Variants in EIF3F observed in about 807,000 individuals in gnomAD.
EIF3F encodes eukaryotic translation initiation factor 3 subunit F, also known as deubiquitinating enzyme eIF3f.
In EIF3F, 8 loss-of-function variants were observed where a neutral mutation model predicts 36.0. The observed-to-expected ratio is 0.22, with a 90% CI of 0.13 to 0.40. The LOEUF is 0.40. Ranked by LOEUF, EIF3F falls within the 10% of genes least tolerant of loss-of-function variation. EIF3F has a pLI of 1.00. For missense variants in EIF3F, 430 were observed against 467.6 expected (o/e 0.92, Z 0.74); for synonymous variants, 184 against 188.5 (o/e 0.98, Z 0.19).
At chr11:7,987,946 A>T in intron 1 of EIF3F, 1 of 511,680 alleles carries the variant, frequency 2.0e-6, no homozygotes. Flanking sequence ...AGCGACATAA[A>T]ATACACAAGG....
chr11:8,001,686 A>G lies in EIF3F; in HGVS notation c.*5664A>G, dbSNP rs1942224131. The G allele has an allele frequency of 6.6e-6, 1 of 152,180 alleles. No individual in the cohort carries two copies. Among genetic ancestry groups the G allele is most frequent in the South Asian group, 2.1e-4 (1 of 4,834 alleles). The allele number at this position is 152,180 out of a possible 1,614,324, so 9.4% of individuals were successfully genotyped here. On this transcript the variant is annotated 3_prime_UTR_variant, in exon 8 of 8. Transcript: ENST00000651655. The stretch of plus-strand genomic sequence containing the variant: ...AATATAAATACCTAGAATATTTGTG[A>G]AGGTACAGCCAAGAAACTACTATCA...
intron 5 of EIF3F, 57 bp downstream of exon 5, chr11:7,994,574 C>A: frequency 6.6e-7 from 1 of 1,513,224 alleles, no homozygotes; most frequent in South Asian, 1.2e-5. Flanking sequence ...GGGAAGGGGG[C>A]TGCTAGTCTG....
Position 8,001,207 on chromosome 11 carries a change from G to T in EIF3F, c.*5185G>T, listed in dbSNP as rs1391826308. On this transcript the variant is annotated 3_prime_UTR_variant, in exon 8 of 8. Transcript: ENST00000651655. ...GATGTCATTTTTAAAAATCAGATTCGCAAATTTTAAAAGTTGCTAACACTG... is the reference window on the plus strand; with the variant it reads ...GATGTCATTTTTAAAAATCAGATTCTCAAATTTTAAAAGTTGCTAACACTG... The T allele has an allele frequency of 6.6e-6, 1 of 152,080 alleles. No homozygotes were observed. Among genetic ancestry groups the T allele is most frequent in the African/African-American group, 2.4e-5 (1 of 41,396 alleles). 9.4% of individuals were successfully genotyped at this position (152,080 alleles called of 1,614,324 possible).
chr11:7,987,809 C>G, intron 1 of EIF3F, 93 bp downstream of exon 1: 1 of 1,374,262 alleles, frequency 7.3e-7, no homozygotes, highest in Admixed American at 3.6e-5. Flanking sequence ...TTCCTGGTGT[C>G]CTACCGTCCT....
At chr11:7,993,983 T>G (rs1364601331) in intron 4 of EIF3F, among the ~76,000 whole-genome samples, 1 of 152,086 alleles carries the variant, frequency 6.6e-6, no homozygotes, top group African/African-American at 2.4e-5. Flanking sequence ...AAGAATACCT[T>G]TAGTGAGATG....
chr11:7,992,844 G>A (rs750015811), intron 3 of EIF3F, 43 bp from the exon 4 acceptor site: 30 of 1,612,224 alleles, frequency 1.9e-5, no homozygotes, highest in Middle Eastern at 3.9e-4. Flanking sequence ...TGATATTGAC[G>A]CCACATATAG....
Position 7,996,695 on chromosome 11 carries a change from C to G in EIF3F, c.*673C>G, listed in dbSNP as rs1024506164. The G allele has an allele frequency of 6.6e-6, 1 of 152,198 alleles. No homozygotes were observed. Among genetic ancestry groups the G allele is most frequent in the Non-Finnish European group, 1.5e-5 (1 of 68,046 alleles). 9.4% of individuals were successfully genotyped at this position (152,198 alleles called of 1,614,324 possible). A position where few individuals can be genotyped will look rare whatever the true frequency, so the allele number is the denominator to read the frequency against. ...CCCAGAGGCCTTGTAGGCTAGAGTA[C>G]TTGCCTGTGTAACTTCAGACATCCA... On this transcript the variant is annotated 3_prime_UTR_variant, in exon 8 of 8. Transcript: ENST00000651655.
intron 1 of EIF3F, among the ~76,000 whole-genome samples, chr11:7,990,175 G>C (rs572560668): frequency 6.6e-6 from 1 of 152,216 alleles, no homozygotes; most frequent in Non-Finnish European, 1.5e-5. Flanking sequence ...AAGAAGAAAG[G>C]GAAGGTAGGG....
At chr11:7,987,958 G>C in intron 1 of EIF3F, 2 of 457,912 alleles carry the variant, frequency 4.4e-6, no homozygotes, top group Non-Finnish European at 7.0e-6. Context: ...TACACAAGGA[G>C]TAGTTGTGTC....
chr11:7,991,537 A>ACCTTG, intron 1 of EIF3F, among the ~76,000 whole-genome samples: 1 of 152,256 alleles, frequency 6.6e-6, no homozygotes, highest in South Asian at 2.1e-4. Context: ...GCAAAAGGAG[A>ACCTTG]CCTTGTAAAG....
Position 7,998,758 on chromosome 11 carries a change from C to T in EIF3F, c.*2736C>T, listed in dbSNP as rs1333754801. ...TGATAAAAATTCCCAATAATGTTTACTTTGGTGGTGAGAAGAGGATGGCAA... is the reference window on the plus strand; with the variant it reads ...TGATAAAAATTCCCAATAATGTTTATTTTGGTGGTGAGAAGAGGATGGCAA... On this transcript the variant is annotated 3_prime_UTR_variant, in exon 8 of 8. Transcript: ENST00000651655. 6.6e-6 allele frequency: 1 copy of T among 151,950 alleles called. No individual in the cohort carries two copies. The highest frequency in any genetic ancestry group is 1.5e-5 in the Non-Finnish European group (1 of 68,006). The allele number at this position is 151,950 out of a possible 1,614,324, so 9.4% of individuals were successfully genotyped here.
At chr11:7,995,731 C>G (rs1942153185) in intron 7 of EIF3F, 1 of 621,830 alleles carries the variant, frequency 1.6e-6, no homozygotes, top group African/African-American at 1.8e-5. Context: ...GCTAAGGCAC[C>G]CCTAGTCTAT....
intron 4 of EIF3F, among the ~76,000 whole-genome samples, chr11:7,993,277 T>G (rs1163822029): frequency 1.3e-5 from 2 of 152,256 alleles, no homozygotes; most frequent in African/African-American, 4.8e-5. Flanking sequence ...TGTCAAGTCA[T>G]CTTTTGTAGG....
chr11:7,999,792 A>G lies in EIF3F; in HGVS notation c.*3770A>G, dbSNP rs981333072. 1.3e-5 allele frequency: 2 copies of G among 152,234 alleles called. No homozygotes were observed. Among genetic ancestry groups the G allele is most frequent in the African/African-American group, 2.4e-5 (1 of 41,464 alleles). 9.4% of individuals were successfully genotyped at this position (152,234 alleles called of 1,614,324 possible). A position where few individuals can be genotyped will look rare whatever the true frequency, so the allele number is the denominator to read the frequency against. On this transcript the variant is annotated 3_prime_UTR_variant, in exon 8 of 8. Coordinates refer to ENST00000651655, the MANE Select transcript of EIF3F (RefSeq NM_003754.3). ...CAATAAAAACACATATGATCCAGCA[A>G]TCCCACTACTGGGTATATATCCAAA...
In EIF3F at chr11:7,995,612, T is replaced by G; in HGVS notation, c.996+245T>G. 5.1e-6 allele frequency: 3 copies of G among 586,906 alleles called. No homozygotes were observed. The East Asian group carries it at 8.5e-5, about 17-fold the overall frequency. 36.4% of individuals were successfully genotyped at this position (586,906 alleles called of 1,614,324 possible). A position where few individuals can be genotyped will look rare whatever the true frequency, so the allele number is the denominator to read the frequency against. ...GCTGATACTACTGTGACTTACTGTC[T>G]AAATTCGTGATGGAAAGAAACACTA... is the stretch of plus-strand genomic sequence containing the variant. On this transcript the variant is annotated intron_variant, in intron 7 of 7. Transcript: ENST00000651655.
intron 4 of EIF3F, among the ~76,000 whole-genome samples, chr11:7,993,646 G>C (rs960620354): frequency 6.6e-6 from 1 of 152,172 alleles, no homozygotes; most frequent in Non-Finnish European, 1.5e-5. Context: ...TAGTGCATCT[G>C]TCAGGCTGTT....
chr11:7,993,246 C>T (rs1057294880), intron 4 of EIF3F, among the ~76,000 whole-genome samples: 18 of 152,184 alleles, frequency 1.2e-4, no homozygotes, highest in African/African-American at 3.9e-4. Flanking sequence ...ACTCATTGCC[C>T]TTTTAAGTAT....
At chr11:7,993,052 A>G (rs765901651) in intron 4 of EIF3F, 28 bp downstream of exon 4, 5 of 1,538,308 alleles carry the variant, frequency 3.3e-6, no homozygotes, top group South Asian at 1.3e-5. Context: ...CTACAAGGGC[A>G]TAAAACCATG....
rs959681516 is a variant in EIF3F at position 8,001,649 on chromosome 11, G to T, written c.*5627G>T. The T allele has an allele frequency of 6.6e-6, 1 of 152,036 alleles. No individual in the cohort carries two copies. The highest frequency in any genetic ancestry group is 1.5e-5 in the Non-Finnish European group (1 of 68,026). 9.4% of individuals were successfully genotyped at this position (152,036 alleles called of 1,614,324 possible). Reference sequence around the variant, plus strand: ...TCTATAATATGCTGTTGTTGTGTACGGGAAAATAAATAATATAAATACCTA... The same window carrying T: ...TCTATAATATGCTGTTGTTGTGTACTGGAAAATAAATAATATAAATACCTA... On this transcript the variant is annotated 3_prime_UTR_variant, in exon 8 of 8. Coordinates refer to ENST00000651655, the MANE Select transcript of EIF3F (RefSeq NM_003754.3).
Sources: allele counts gnomAD v4.1 joint callset (sites outside exome capture counted in the v4.1 genomes callset), GRCh38; gene constraint gnomAD v4.1.1; transcripts MANE v1.5; gene names NCBI Gene and HGNC (gene_info 2026-07-23, HGNC 2026-07-21).